The following SETBP1 variants were observed in gnomAD, a reference collection of about 807,000 sequenced individuals.
The protein encoded by SETBP1 is SET binding protein 1, also known as SET-binding protein.
A neutral mutation model predicts 101.0 loss-of-function variants in SETBP1; 9 were observed. That is an observed-to-expected ratio of 0.09 (90% CI 0.05 to 0.16). The LOEUF is 0.16. Among genes scored for constraint, SETBP1 ranks in the 10% least tolerant of loss-of-function variants. The pLI is 1.00. For synonymous variants in SETBP1, 818 were observed against 788.5 expected, an observed-to-expected ratio of 1.04 and a Z score of -0.63; for missense variants, 1,858 against 2,033.8, an observed-to-expected ratio of 0.91 and a Z score of 1.66.
rs936498551 is a variant in SETBP1 at position 44,952,101 on chromosome 18, C to T, written c.2761C>T (p.His921Tyr). 3 of 1,614,128 alleles carry T rather than the reference C, an allele frequency of 1.9e-6. No individual in the cohort carries two copies. Among genetic ancestry groups the T allele is most frequent in the Admixed American group, 1.7e-5 (1 of 60,020 alleles). The change falls in exon 4 of 6, where the codon CAT (histidine) becomes TAT (tyrosine). Residue 921 changes from histidine to tyrosine, a missense_variant. Around this residue, in one of 12 missense-constraint regions of SETBP1, gnomAD observed 255 missense variants for 300.1 expected, o/e 0.85. Coordinates refer to ENST00000649279, the MANE Select transcript of SETBP1 (RefSeq NM_015559.3). ...GAACCGGCATGGCCACCGGCAAAAG[C>T]ATCTCATTGTGGACAACTTTCTGGC... ...TKNRHGHRQKHLIVDNFLAHE... is the reference protein window; with the variant it reads ...TKNRHGHRQKYLIVDNFLAHE...
At chr18:45,053,284 T>C (rs999524502) in intron 5 of SETBP1, among the ~76,000 whole-genome samples, 1 of 152,212 alleles carries the variant, frequency 6.6e-6, no homozygotes, top group African/African-American at 2.4e-5. Context: ...AGATCAACTT[T>C]AGCAGATGAT....
chr18:44,991,742 A>G (rs1190604415), intron 4 of SETBP1, among the ~76,000 whole-genome samples: 3 of 152,236 alleles, frequency 2.0e-5, no homozygotes, highest in Non-Finnish European at 4.4e-5. Context: ...AACAAAACAT[A>G]GATGAGTAAG....
At chr18:44,872,490 A>G (rs531349106) in intron 3 of SETBP1, among the ~76,000 whole-genome samples, 5 of 152,166 alleles carry the variant, frequency 3.3e-5, no homozygotes, top group Non-Finnish European at 7.3e-5. Flanking sequence ...GCAGCTAGCC[A>G]TGCTTGCACT....
At chr18:45,011,614 C>G (rs1440456088) in intron 4 of SETBP1, among the ~76,000 whole-genome samples, 1 of 152,222 alleles carries the variant, frequency 6.6e-6, no homozygotes, top group Non-Finnish European at 1.5e-5. Context: ...AGGTAATTGT[C>G]TGCTGACCAA....
intron 1 of SETBP1, among the ~76,000 whole-genome samples, chr18:44,688,481 T>C (rs1306031339): frequency 6.6e-6 from 1 of 151,962 alleles, no homozygotes; most frequent in Non-Finnish European, 1.5e-5. Flanking sequence ...CTTTGATTTT[T>C]TTTTTTTTTT....
At chr18:44,856,503 GT>G (rs1423563048) in intron 2 of SETBP1, among the ~76,000 whole-genome samples, 1 of 152,186 alleles carries the variant, frequency 6.6e-6, no homozygotes, top group African/African-American at 2.4e-5. Context: ...CTTTTGAAAT[GT>G]TTCTAGGTTG....
intron 2 of SETBP1, among the ~76,000 whole-genome samples, chr18:44,793,739 G>A (rs1176917852): frequency 2.0e-5 from 3 of 152,100 alleles, no homozygotes; most frequent in African/African-American, 7.2e-5. Flanking sequence ...AATATGTAGG[G>A]GAGCCCTTAC....
chr18:44,763,601 G>A (rs1354518344), intron 2 of SETBP1, among the ~76,000 whole-genome samples: 4 of 152,142 alleles, frequency 2.6e-5, no homozygotes, highest in Admixed American at 6.5e-5. Context: ...ATAGTAAATG[G>A]CAATGGTCAT....
At chr18:44,872,065 G>C (rs1396841483) in intron 3 of SETBP1, 1 of 152,098 alleles carries the variant, frequency 6.6e-6, no homozygotes, top group Non-Finnish European at 1.5e-5. Context: ...AGACACACTT[G>C]AGTACCCTCC....
intron 2 of SETBP1, among the ~76,000 whole-genome samples, chr18:44,864,426 C>T (rs2069084558): frequency 1.3e-5 from 2 of 152,070 alleles, no homozygotes. Flanking sequence ...GTTCTCCAAC[C>T]CTGCCCTCAA....
intron 5 of SETBP1, among the ~76,000 whole-genome samples, chr18:45,048,961 A>G (rs1490813743): frequency 1.6e-5 from 2 of 123,700 alleles, no homozygotes; most frequent in Admixed American, 1.9e-4. Context: ...CCTGGGCGAC[A>G]GAGCGAGACT....
intron 3 of SETBP1, among the ~76,000 whole-genome samples, chr18:44,935,436 T>C (rs2070937275): frequency 1.3e-5 from 2 of 152,174 alleles, no homozygotes; most frequent in Non-Finnish European, 2.9e-5. Context: ...ACCCACAGGC[T>C]AGGTATAATC....
At chr18:44,711,921 T>C (rs2069356939) in intron 2 of SETBP1, among the ~76,000 whole-genome samples, 1 of 152,178 alleles carries the variant, frequency 6.6e-6, no homozygotes. Flanking sequence ...CCTGTATATC[T>C]TGAGTCTGCA....
chr18:44,765,360 C>A (rs536828012), intron 2 of SETBP1, among the ~76,000 whole-genome samples: 1 of 151,960 alleles, frequency 6.6e-6, no homozygotes, highest in Admixed American at 6.6e-5. Context: ...GATAGCGACA[C>A]GAGGGTTTTG....
At chr18:44,995,999 A>G (rs2072490835) in intron 4 of SETBP1, among the ~76,000 whole-genome samples, 1 of 152,186 alleles carries the variant, frequency 6.6e-6, no homozygotes, top group Admixed American at 6.5e-5. Flanking sequence ...TTTTTTAGGA[A>G]AATGTTTTTA....
chr18:44,725,190 C>G (rs756650392), intron 2 of SETBP1, among the ~76,000 whole-genome samples: 3 of 152,226 alleles, frequency 2.0e-5, no homozygotes, highest in Non-Finnish European at 4.4e-5. Context: ...ACACGTGAGA[C>G]TCCCATCTTG....
intron 3 of SETBP1, among the ~76,000 whole-genome samples, chr18:44,886,946 G>A (rs2069663378): frequency 6.6e-6 from 1 of 152,088 alleles, no homozygotes; most frequent in African/African-American, 2.4e-5. Context: ...GCTTGCAGCA[G>A]TGTCTCAGGA....
intron 2 of SETBP1, among the ~76,000 whole-genome samples, chr18:44,802,589 A>G (rs1380481716): frequency 3.3e-5 from 5 of 152,078 alleles, no homozygotes; most frequent in Admixed American, 2.6e-4. Flanking sequence ...CTCAGCATTC[A>G]TCTTGAGCCC....
At chr18:44,869,654 G>A (rs635469) in intron 3 of SETBP1, 295,666 of 341,800 alleles carry the variant, frequency 0.87, 128,328 homozygotes, top group African/African-American at 0.93. Flanking sequence ...CAGGACACTC[G>A]CATGTCTGTA....
Sources: allele counts gnomAD v4.1 joint callset (sites outside exome capture counted in the v4.1 genomes callset), GRCh38; gene constraint gnomAD v4.1.1; regional missense constraint gnomAD v4.1.1; transcripts MANE v1.5; gene names NCBI Gene and HGNC (gene_info 2026-07-23, HGNC 2026-07-21).